Variants in GSG1 observed in about 807,000 individuals in gnomAD.
GSG1 encodes the protein germ cell-specific gene 1 protein.
Under a neutral mutation model 30.8 loss-of-function variants are expected in GSG1, and 28 were observed. The ratio of observed to expected loss-of-function variants is 0.91; its 90% CI spans 0.67 to 1.25. GSG1 has a LOEUF of 1.25. GSG1 is among the 50% of genes most tolerant of loss of function. The pLI is 0.00. For missense variants in GSG1, 435 were observed against 444.7 expected (o/e 0.98, Z 0.20); for synonymous variants, 162 against 178.0 (o/e 0.91, Z 0.71).
chr12:13,089,905 C>T (rs956724737), intron 2 of GSG1, among the ~76,000 whole-genome samples: 2 of 152,064 alleles, frequency 1.3e-5, no homozygotes, highest in African/African-American at 2.4e-5. Flanking sequence ...CAAAATTAGC[C>T]GGGTATGGTG....
At chr12:13,087,538 T>G (rs1865662903) in intron 5 of GSG1, among the ~76,000 whole-genome samples, 1 of 152,166 alleles carries the variant, frequency 6.6e-6, no homozygotes, top group Non-Finnish European at 1.5e-5. Context: ...CCACCCCTAC[T>G]CCTTCCCACC....
intron 4 of GSG1, 75 bp from the exon 5 acceptor site, chr12:13,088,134 C>A (rs1865720202): frequency 1.3e-6 from 2 of 1,542,094 alleles, no homozygotes; most frequent in South Asian, 2.3e-5. Flanking sequence ...GCATAGGATG[C>A]CTATTAGGAG....
chr12:13,090,453 C>G, intron 2 of GSG1, 50 bp downstream of exon 2: 1 of 1,533,326 alleles, frequency 6.5e-7, no homozygotes, highest in Non-Finnish European at 8.9e-7. Context: ...TGCATTAGAT[C>G]CCTTGCCCGC....
chr12:13,100,886 T>A (rs1264773889), intron 1 of GSG1, among the ~76,000 whole-genome samples: 1 of 152,214 alleles, frequency 6.6e-6, no homozygotes, highest in East Asian at 1.9e-4. Context: ...GACTCTAGTC[T>A]TCCTAACGTA....
chr12:13,083,541 TTC>T lies in GSG1; in HGVS notation c.*1358_*1359del, dbSNP rs1188188521. 7.1e-5 allele frequency: 3 copies of T among 42,412 alleles called. No homozygotes were observed. Among genetic ancestry groups the T allele is most frequent in the Non-Finnish European group, 4.9e-5 (1 of 20,202 alleles). 2.6% of individuals were successfully genotyped at this position (42,412 alleles called of 1,614,324 possible). On this transcript the variant is annotated 3_prime_UTR_variant, in exon 7 of 7. Coordinates refer to ENST00000651961, the MANE Select transcript of GSG1 (RefSeq NM_001080555.4). Reference sequence around the variant, plus strand: ...AGAACGGGCAAGTAGATGGGTGGCATTCTTTTTTTTTTTTTTTTAAGTTCTAG... The same window carrying T: ...AGAACGGGCAAGTAGATGGGTGGCATTTTTTTTTTTTTTTTTAAGTTCTAG...
At chr12:13,099,740 G>GTTTTT (rs1243237814) in intron 1 of GSG1, among the ~76,000 whole-genome samples, 42 of 95,772 alleles carry the variant, frequency 4.4e-4, no homozygotes, top group East Asian at 1.5e-3. Flanking sequence ...GGGATCCGGT[G>GTTTTT]TTTTTTTTTG....
At chr12:13,100,196 T>A (rs1371850570) in intron 1 of GSG1, among the ~76,000 whole-genome samples, 1 of 152,202 alleles carries the variant, frequency 6.6e-6, no homozygotes, top group Non-Finnish European at 1.5e-5. Flanking sequence ...GGTTTATGGA[T>A]ACAATTAGAA....
chr12:13,099,764 T>TTTTG (rs1565551463), intron 1 of GSG1, among the ~76,000 whole-genome samples: 5 of 146,744 alleles, frequency 3.4e-5, no homozygotes, highest in Non-Finnish European at 7.4e-5. Context: ...TTTTTTTTTT[T>TTTTG]TTTTGTTTTT....
chr12:13,091,390 C>T (rs1866122445), intron 1 of GSG1, among the ~76,000 whole-genome samples: 1 of 152,184 alleles, frequency 6.6e-6, no homozygotes, highest in South Asian at 2.1e-4. Flanking sequence ...CTGGGTTTCC[C>T]CACTCAATCT....
chr12:13,085,627 T>C (rs867831836), intron 6 of GSG1, among the ~76,000 whole-genome samples: 2 of 152,012 alleles, frequency 1.3e-5, no homozygotes, highest in Non-Finnish European at 2.9e-5. Flanking sequence ...CTGTATGCAG[T>C]GGACATAACC....
At chr12:13,103,060 A>G (rs553328786) in intron 1 of GSG1, among the ~76,000 whole-genome samples, 4 of 152,382 alleles carry the variant, frequency 2.6e-5, no homozygotes, top group Non-Finnish European at 5.9e-5. Context: ...CACTGGGGTG[A>G]CACACAGCTC....
At position 13,098,456 on chromosome 12, in the gene GSG1, A is replaced by ATTTTTTTT. The variant is rs771887535; in HGVS notation, c.48+5001_48+5008dup. ...CTTGTAGGATTGTTTCATGTAGCCC[A>ATTTTTTTT]TTTTTTTTTTTTTTTTTTTTTTTTT... On this transcript the variant is annotated intron_variant, in intron 1 of 6. Transcript: ENST00000651961. Among the ~76,000 whole-genome samples, 76 of 47,398 alleles carry ATTTTTTTT rather than the reference A, an allele frequency of 1.6e-3. 13 individuals are homozygous for ATTTTTTTT. Among genetic ancestry groups the ATTTTTTTT allele is most frequent in the Non-Finnish European group, 2.3e-3 (60 of 26,092 alleles). 31.1% of individuals were successfully genotyped at this position (47,398 alleles called of 152,430 possible).
Position 13,088,870 on chromosome 12 carries a change from GC to G in GSG1, c.472del (p.Ala158ProfsTer28). On this transcript the variant is annotated frameshift_variant, in exon 4 of 7. Transcript: ENST00000651961. LOFTEE classifies it high-confidence loss of function. ...CAGTAGTCCTTTCTCACCTCTCTTG[GC>G]TGGTGGTGTAAGTTCAATGAAACTT... ...CRSFIELTPP[A>X]KREILWLSLG... 6.2e-7 allele frequency: 1 copy of G among 1,614,172 alleles called. No homozygotes were observed. The highest frequency in any genetic ancestry group is 8.5e-7 in the Non-Finnish European group (1 of 1,180,044).
At position 13,084,969 on chromosome 12, in the gene GSG1, A is replaced by G; in HGVS notation, c.1021T>C (p.Phe341Leu). 6.4e-7 allele frequency: 1 copy of G among 1,551,964 alleles called. No individual in the cohort carries two copies. Residue 341 changes from phenylalanine (F) to leucine (L), a missense_variant, in exon 7 of 7, where the codon TTT becomes CTT. Coordinates refer to ENST00000651961, the MANE Select transcript of GSG1 (RefSeq NM_001080555.4). ...DFYSELRNKG[F>L]QRGASQELKE... ...AGCTCCTGGCTGGCCCCTCTTTGAA[A>G]TCCCTTGTTCCGCAGCTCGGAGTAG...
rs1863164700 is a variant in GSG1 at position 13,101,165 on chromosome 12, C to A, written c.48+2300G>T. ...AGCAGGCCGGCTGGGGCCGGGGGCGCTTGGGGACCGCGGGGCGGGGCGGGG... is the reference window on the plus strand; with the variant it reads ...AGCAGGCCGGCTGGGGCCGGGGGCGATTGGGGACCGCGGGGCGGGGCGGGG... On this transcript the variant is annotated intron_variant, in intron 1 of 6. Coordinates refer to ENST00000651961, the MANE Select transcript of GSG1 (RefSeq NM_001080555.4). The surrounding 1 kb of genome is among the most constrained non-coding windows in gnomAD (Gnocchi z 5.8). 6.7e-6 allele frequency among the ~76,000 whole-genome samples: 1 copy of A among 149,436 alleles called. No homozygotes were observed. Among genetic ancestry groups the A allele is most frequent in the South Asian group, 2.2e-4 (1 of 4,574 alleles).
At chr12:13,095,460 T>C in intron 1 of GSG1, 1 of 866,070 alleles carries the variant, frequency 1.2e-6, no homozygotes, top group South Asian at 1.3e-5. Context: ...TACATCAGCA[T>C]ATATTAACAG....
intron 1 of GSG1, among the ~76,000 whole-genome samples, chr12:13,100,849 T>G (rs1259331034): frequency 6.6e-6 from 1 of 152,140 alleles, no homozygotes; most frequent in Non-Finnish European, 1.5e-5. Context: ...AGGGGCCACA[T>G]CACCTCAAAT....
chr12:13,091,593 A>G (rs1186581473), intron 1 of GSG1, among the ~76,000 whole-genome samples: 1 of 152,202 alleles, frequency 6.6e-6, no homozygotes, highest in African/African-American at 2.4e-5. Context: ...AGTCCCAGCT[A>G]CTTTTGAGGC....
At chr12:13,091,619 A>G (rs1048167815) in intron 1 of GSG1, among the ~76,000 whole-genome samples, 1 of 152,172 alleles carries the variant, frequency 6.6e-6, no homozygotes, top group Admixed American at 6.5e-5. Context: ...TGGGAGGATC[A>G]CCTGAGCCCA....
Sources: allele counts gnomAD v4.1 joint callset (sites outside exome capture counted in the v4.1 genomes callset), GRCh38; gene constraint gnomAD v4.1.1; non-coding constraint Gnocchi (gnomAD v3.1); transcripts MANE v1.5; gene names NCBI Gene and HGNC (gene_info 2026-07-23, HGNC 2026-07-21).